Variants in SLC35D4 observed in about 807,000 individuals in gnomAD.
SLC35D4 encodes solute carrier family 35 member D4, also known as UDP-N-acetylglucosamine transporter SLC35D4.
chr18:23,420,680 A>G, the SLC35D4 span, among the ~76,000 whole-genome samples: 1 of 152,086 alleles, frequency 6.6e-6, no homozygotes, highest in Non-Finnish European at 1.5e-5. Context: ...CCAGCCAGAA[A>G]TAATTTAAAA....
the SLC35D4 span, among the ~76,000 whole-genome samples, chr18:23,299,418 G>A: frequency 2.0e-5 from 3 of 152,186 alleles, no homozygotes; most frequent in Non-Finnish European, 2.9e-5. Context: ...TGAGGGGCAC[G>A]TCCTGTTGAG....
At chr18:23,360,767 A>T in the SLC35D4 span, among the ~76,000 whole-genome samples, 6 of 152,198 alleles carry the variant, frequency 3.9e-5, no homozygotes, top group African/African-American at 9.7e-5. Flanking sequence ...TATCAATTTA[A>T]AAATGTTTTT....
At chr18:23,297,934 C>G in the SLC35D4 span, 2 of 1,563,538 alleles carry the variant, frequency 1.3e-6, no homozygotes, top group Non-Finnish European at 1.8e-6. Context: ...AGCTATGAGA[C>G]CAGGGGCTCG....
At chr18:23,251,384 G>A in the SLC35D4 span, among the ~76,000 whole-genome samples, 6 of 152,184 alleles carry the variant, frequency 3.9e-5, no homozygotes, top group Admixed American at 6.5e-5. Flanking sequence ...CCAAGAGGCG[G>A]AGGTTGCAGT....
the SLC35D4 span, among the ~76,000 whole-genome samples, chr18:23,303,140 G>A: frequency 5.3e-5 from 8 of 152,312 alleles, no homozygotes; most frequent in South Asian, 8.3e-4. Context: ...ACCCAGCCAC[G>A]CTTGAACACG....
the SLC35D4 span, among the ~76,000 whole-genome samples, chr18:23,390,800 T>G: frequency 6.6e-6 from 1 of 152,168 alleles, no homozygotes; most frequent in Admixed American, 6.6e-5. Context: ...ACCTTTCTAT[T>G]TGGGTGATTT....
chr18:23,309,582 C>T, the SLC35D4 span: 132 of 1,038,274 alleles, frequency 1.3e-4, no homozygotes, highest in African/African-American at 1.2e-3. Context: ...ACACAGCCAA[C>T]GCACACTCCC....
the SLC35D4 span, among the ~76,000 whole-genome samples, chr18:23,332,620 TAAC>T: frequency 6.6e-6 from 1 of 152,166 alleles, no homozygotes; most frequent in African/African-American, 2.4e-5. Flanking sequence ...AAATTTCACC[TAAC>T]AACAGAGGAC....
chr18:23,313,495 C>T, the SLC35D4 span, among the ~76,000 whole-genome samples: 1 of 152,224 alleles, frequency 6.6e-6, no homozygotes, highest in African/African-American at 2.4e-5. Context: ...TAATTCCTGA[C>T]TTCCAGCTCC....
chr18:23,364,901 TCAAAAAAAA>T, the SLC35D4 span, among the ~76,000 whole-genome samples: 1 of 19,020 alleles, frequency 5.3e-5, no homozygotes, highest in African/African-American at 3.9e-4. Flanking sequence ...AGACTCTGTC[TCAAAAAAAA>T]AAAAAAAAAA....
the SLC35D4 span, among the ~76,000 whole-genome samples, chr18:23,243,334 G>A: frequency 1.3e-5 from 2 of 152,194 alleles, no homozygotes; most frequent in East Asian, 1.9e-4. Context: ...CTTGAAGGGC[G>A]CCCTCAGGCG....
At chr18:23,307,304 C>A in the SLC35D4 span, among the ~76,000 whole-genome samples, 1 of 152,214 alleles carries the variant, frequency 6.6e-6, no homozygotes, top group African/African-American at 2.4e-5. Context: ...TTAAAGCATG[C>A]CTATTCATCA....
the SLC35D4 span, chr18:23,370,285 A>C: frequency 1.9e-6 from 3 of 1,611,752 alleles, no homozygotes; most frequent in South Asian, 1.1e-5. Flanking sequence ...AAAACATATC[A>C]CTGGTCATGG....
chr18:23,404,813 C>T, the SLC35D4 span, among the ~76,000 whole-genome samples: 1 of 151,038 alleles, frequency 6.6e-6, no homozygotes, highest in African/African-American at 2.4e-5. Flanking sequence ...TGGTGAAACC[C>T]CATCTCTACT....
At chr18:23,261,765 T>C in the SLC35D4 span, among the ~76,000 whole-genome samples, 1 of 152,252 alleles carries the variant, frequency 6.6e-6, no homozygotes, top group Non-Finnish European at 1.5e-5. Flanking sequence ...TTATGTGAGA[T>C]GATTCAGCCT....
chr18:23,314,833 G>A, the SLC35D4 span, among the ~76,000 whole-genome samples: 1 of 152,216 alleles, frequency 6.6e-6, no homozygotes, highest in Non-Finnish European at 1.5e-5. Context: ...GCAGAGGGGT[G>A]CCAACAACAG....
chr18:23,342,105 T>C, the SLC35D4 span, among the ~76,000 whole-genome samples: 1 of 152,218 alleles, frequency 6.6e-6, no homozygotes, highest in African/African-American at 2.4e-5. Context: ...TCACTTATTA[T>C]AAAGTGTAAT....
At chr18:23,324,934 T>G in the SLC35D4 span, among the ~76,000 whole-genome samples, 1 of 152,184 alleles carries the variant, frequency 6.6e-6, no homozygotes, top group African/African-American at 2.4e-5. Flanking sequence ...AAAAGTCCCA[T>G]GGAGAATCCT....
chr18:23,373,759 G>A, the SLC35D4 span: 1 of 1,613,282 alleles, frequency 6.2e-7, no homozygotes, highest in East Asian at 2.2e-5. Flanking sequence ...AGGAGGAGGA[G>A]GGCACTGTGG....
Sources: allele counts gnomAD v4.1 joint callset (sites outside exome capture counted in the v4.1 genomes callset), GRCh38; gene constraint gnomAD v4.1.1; transcripts MANE v1.5; gene names NCBI Gene and HGNC (gene_info 2026-07-23, HGNC 2026-07-21).